Variants in MAF observed in about 807,000 individuals in gnomAD.
The protein encoded by MAF is transcription factor Maf.
MAF carries 10 observed loss-of-function variants against 22.0 expected under a neutral mutation model. The ratio of observed to expected loss-of-function variants is 0.45; its 90% CI spans 0.28 to 0.77. The LOEUF (loss-of-function observed/expected upper bound fraction) is 0.77, where lower values mean the gene tolerates loss of function less well. Ranked by LOEUF, MAF falls within the 30% of genes least tolerant of loss-of-function variation. The probability of loss-of-function intolerance (pLI) is 0.12; values close to 1 mark genes in which losing one functional copy is unlikely to be tolerated. For synonymous variants in MAF, 337 were observed against 255.8 expected (o/e 1.32, Z -3.03); for missense variants, 544 against 548.4 (o/e 0.99, Z 0.08).
At chr16:79,476,538 C>T in the MAF span, among the ~76,000 whole-genome samples, 2 of 152,206 alleles carry the variant, frequency 1.3e-5, no homozygotes, top group Admixed American at 6.5e-5. Flanking sequence ...ACTCCCAACT[C>T]TGCTCCTTTC....
At chr16:79,276,395 C>A in the MAF span, among the ~76,000 whole-genome samples, 2 of 152,170 alleles carry the variant, frequency 1.3e-5, no homozygotes, top group Admixed American at 1.3e-4. Flanking sequence ...GTTTACCCAG[C>A]GTTCTGTGGC....
At chr16:79,366,174 G>A in the MAF span, among the ~76,000 whole-genome samples, 1 of 152,032 alleles carries the variant, frequency 6.6e-6, no homozygotes, top group African/African-American at 2.4e-5. Context: ...CCCAAGCCTG[G>A]GAATAGTATC....
At chr16:79,553,621 G>A in the MAF span, among the ~76,000 whole-genome samples, 10 of 152,208 alleles carry the variant, frequency 6.6e-5, no homozygotes, top group East Asian at 1.9e-4. Flanking sequence ...GTACAAGCTC[G>A]CTCCCAAAAA....
At chr16:79,523,817 G>A in the MAF span, among the ~76,000 whole-genome samples, 1 of 152,208 alleles carries the variant, frequency 6.6e-6, no homozygotes, top group African/African-American at 2.4e-5. Flanking sequence ...AAAGCCTATG[G>A]ATAGATTCAG....
the MAF span, among the ~76,000 whole-genome samples, chr16:79,537,152 T>C: frequency 6.6e-6 from 1 of 152,202 alleles, no homozygotes; most frequent in South Asian, 2.1e-4. Context: ...TATTGAATGA[T>C]AAAGTGGGTC....
the MAF span, among the ~76,000 whole-genome samples, chr16:79,262,124 C>A: frequency 6.6e-6 from 1 of 152,168 alleles, no homozygotes; most frequent in South Asian, 2.1e-4. Context: ...GTACCACTCA[C>A]CACAGCAGGA....
the MAF span, among the ~76,000 whole-genome samples, chr16:79,340,603 T>G: frequency 2.6e-5 from 4 of 151,834 alleles, no homozygotes; most frequent in Non-Finnish European, 5.9e-5. Context: ...GTGGGACATT[T>G]AGGAGCTAAA....
the MAF span, among the ~76,000 whole-genome samples, chr16:79,336,918 C>T: frequency 2.0e-5 from 3 of 152,254 alleles, no homozygotes; most frequent in South Asian, 4.2e-4. Context: ...CTGGGGTGTA[C>T]AAGACGTTGT....
chr16:79,390,275 GATT>G, the MAF span, among the ~76,000 whole-genome samples: 5 of 151,988 alleles, frequency 3.3e-5, no homozygotes, highest in Admixed American at 6.6e-5. Flanking sequence ...ACTGTCTGTG[GATT>G]ATTATTATTA....
At chr16:79,218,523 A>G in the MAF span, among the ~76,000 whole-genome samples, 1 of 152,202 alleles carries the variant, frequency 6.6e-6, no homozygotes, top group African/African-American at 2.4e-5. Context: ...CCACAATGCT[A>G]TCTGGAAGGG....
the MAF span, among the ~76,000 whole-genome samples, chr16:79,456,014 T>C: frequency 3.3e-5 from 5 of 152,104 alleles, no homozygotes; most frequent in African/African-American, 1.2e-4. Flanking sequence ...CAAGACTCTC[T>C]CAAAATAAAT....
the MAF span, among the ~76,000 whole-genome samples, chr16:79,448,765 A>AAC: frequency 2.0e-5 from 3 of 151,946 alleles, no homozygotes; most frequent in South Asian, 6.2e-4. Flanking sequence ...TAAAAAAAAA[A>AAC]ACACACACAA....
the MAF span, among the ~76,000 whole-genome samples, chr16:79,239,296 T>A: frequency 1.1e-4 from 17 of 152,184 alleles, no homozygotes; most frequent in Admixed American, 3.3e-4. Flanking sequence ...TCTTAAGTAG[T>A]GTCACTGACC....
the MAF span, among the ~76,000 whole-genome samples, chr16:79,246,180 C>T: frequency 5.9e-5 from 9 of 152,158 alleles, no homozygotes; most frequent in African/African-American, 2.2e-4. Flanking sequence ...ACATTCTGCG[C>T]ATGTGCCCCA....
the MAF span, among the ~76,000 whole-genome samples, chr16:79,320,345 C>T: frequency 6.6e-6 from 1 of 152,148 alleles, no homozygotes; most frequent in Non-Finnish European, 1.5e-5. Flanking sequence ...ACGGGGCTTC[C>T]TGAAATGGAA....
intron 1 of MAF, chr16:79,597,347 C>T (rs1383878972): frequency 1.9e-6 from 2 of 1,039,130 alleles, no homozygotes; most frequent in Non-Finnish European, 2.3e-6. Flanking sequence ...TTGACAATGA[C>T]CAAAAGCCAA....
the MAF span, among the ~76,000 whole-genome samples, chr16:79,350,258 G>C: frequency 1.3e-5 from 2 of 152,258 alleles, no homozygotes; most frequent in African/African-American, 2.4e-5. Context: ...AAGTTAACCA[G>C]CACTTCTAAA....
the MAF span, among the ~76,000 whole-genome samples, chr16:79,253,661 G>A: frequency 6.6e-6 from 1 of 152,002 alleles, no homozygotes; most frequent in Non-Finnish European, 1.5e-5. Flanking sequence ...GCTCCACTGA[G>A]CTCCCTCCTT....
the MAF span, among the ~76,000 whole-genome samples, chr16:79,511,082 G>A: frequency 7.9e-6 from 1 of 126,926 alleles, no homozygotes; most frequent in Non-Finnish European, 1.7e-5. Flanking sequence ...GCTGACTCAT[G>A]AGAATCTCCC....
Sources: gnomAD v4.1 joint callset for allele counts (sites outside exome capture counted in the v4.1 genomes callset) on GRCh38, gnomAD v4.1.1 for gene constraint, MANE v1.5 for transcripts, NCBI Gene and HGNC (gene_info 2026-07-23, HGNC 2026-07-21) for gene names.